Variants in ACVR1 observed in about 807,000 individuals in gnomAD.
The protein encoded by ACVR1 is activin A receptor type 1, also known as activin receptor type-1.
In ACVR1, 38 loss-of-function variants were observed where a neutral mutation model predicts 57.1. That is an observed-to-expected ratio of 0.67 (90% confidence interval 0.51 to 0.87). ACVR1 has a LOEUF of 0.87. Among genes scored for constraint, ACVR1 ranks in the 40% least tolerant of loss-of-function variants. The pLI, the probability that ACVR1 is intolerant of heterozygous loss-of-function variation, is 0.00. For synonymous variants in ACVR1, 212 were observed against 228.1 expected, an observed-to-expected ratio of 0.93 and a Z score of 0.63; for missense variants, 463 against 638.2, an observed-to-expected ratio of 0.73 and a Z score of 2.96.
intron 9 of ACVR1, among the ~76,000 whole-genome samples, chr2:157,740,277 C>G (rs1468156396): frequency 6.6e-6 from 1 of 152,110 alleles, no homozygotes; most frequent in Non-Finnish European, 1.5e-5. Context: ...TAAAACCTTT[C>G]CTGGCAAATC....
intron 8 of ACVR1, 23 bp from the exon 9 acceptor site, chr2:157,761,100 G>A (rs1202403102): frequency 6.2e-7 from 1 of 1,611,266 alleles, no homozygotes; most frequent in Admixed American, 1.7e-5. Flanking sequence ...AGATAACAAT[G>A]TAATCAACCC....
At chr2:157,849,502 C>T (rs1164566150) in intron 1 of ACVR1, among the ~76,000 whole-genome samples, 8 of 152,134 alleles carry the variant, frequency 5.3e-5, no homozygotes, top group African/African-American at 1.9e-4. Context: ...TATCCAAACA[C>T]TAGGAAATGC....
At chr2:157,824,623 G>C (rs369642278) in intron 1 of ACVR1, among the ~76,000 whole-genome samples, 1 of 152,264 alleles carries the variant, frequency 6.6e-6, no homozygotes, top group East Asian at 1.9e-4. Flanking sequence ...GAAGGCTACA[G>C]ACTAAAATAG....
At chr2:157,805,528 T>C (rs1304031094) in intron 2 of ACVR1, among the ~76,000 whole-genome samples, 1 of 152,220 alleles carries the variant, frequency 6.6e-6, no homozygotes, top group Non-Finnish European at 1.5e-5. Context: ...CATTCTGTAC[T>C]ATGCCTTCCA....
chr2:157,742,403 G>T (rs1486429088), intron 9 of ACVR1, among the ~76,000 whole-genome samples: 1 of 152,190 alleles, frequency 6.6e-6, no homozygotes, highest in Admixed American at 6.5e-5. Context: ...GGACGGAACA[G>T]ACTGAGCCAG....
chr2:157,765,254 G>T (rs1685817084), intron 8 of ACVR1, among the ~76,000 whole-genome samples: 1 of 152,208 alleles, frequency 6.6e-6, no homozygotes, highest in Non-Finnish European at 1.5e-5. Flanking sequence ...GAGTGAATCA[G>T]TTCGGGGATT....
intron 2 of ACVR1, among the ~76,000 whole-genome samples, chr2:157,812,458 C>T (rs1687783229): frequency 6.6e-6 from 1 of 151,922 alleles, no homozygotes; most frequent in Non-Finnish European, 1.5e-5. Flanking sequence ...AGTGTATATA[C>T]TACATAATAT....
At chr2:157,774,883 G>C (rs1378061702) in intron 5 of ACVR1, among the ~76,000 whole-genome samples, 1 of 139,738 alleles carries the variant, frequency 7.2e-6, no homozygotes, top group Non-Finnish European at 1.6e-5. Context: ...AGGTGGAACA[G>C]AAAAGGGTGG....
chr2:157,782,521 G>A (rs1242967410), intron 3 of ACVR1, among the ~76,000 whole-genome samples: 3 of 152,196 alleles, frequency 2.0e-5, no homozygotes, highest in African/African-American at 4.8e-5. Flanking sequence ...CTATGAGGAT[G>A]AGAAACATGT....
At chr2:157,834,944 C>G (rs923368300) in intron 1 of ACVR1, among the ~76,000 whole-genome samples, 4 of 152,126 alleles carry the variant, frequency 2.6e-5, no homozygotes, top group Non-Finnish European at 5.9e-5. Context: ...CCTAAGAAGC[C>G]CTCGCCAGAC....
chr2:157,858,224 T>C (rs1453672347), intron 1 of ACVR1, among the ~76,000 whole-genome samples: 1 of 152,152 alleles, frequency 6.6e-6, no homozygotes, highest in Non-Finnish European at 1.5e-5. Context: ...CCTTCCTCTC[T>C]ATGGCGATAG....
At chr2:157,748,752 A>ATTTCC in intron 9 of ACVR1, among the ~76,000 whole-genome samples, 1 of 152,172 alleles carries the variant, frequency 6.6e-6, no homozygotes, top group African/African-American at 2.4e-5. Flanking sequence ...GCTATTAGGA[A>ATTTCC]AAAAAACCAC....
At chr2:157,863,336 CTTTTTTTTTTTTTT>C (rs1161335923) in intron 1 of ACVR1, among the ~76,000 whole-genome samples, 26 of 35,686 alleles carry the variant, frequency 7.3e-4, no homozygotes, top group Admixed American at 1.2e-3. Flanking sequence ...AATTGTTTCT[CTTTTTTTTTTTTTT>C]TTTTTTTTTT....
chr2:157,770,603 C>T, intron 6 of ACVR1, 89 bp from the exon 7 acceptor site: 4 of 1,316,582 alleles, frequency 3.0e-6, no homozygotes, highest in South Asian at 1.2e-5. Flanking sequence ...TTAGTGCATG[C>T]AACTCTTAAT....
chr2:157,773,675 T>C (rs534660884), intron 6 of ACVR1, among the ~76,000 whole-genome samples: 29 of 152,340 alleles, frequency 1.9e-4, no homozygotes, highest in African/African-American at 6.7e-4. Flanking sequence ...ATTAATTATG[T>C]TCATTAATTA....
intron 1 of ACVR1, among the ~76,000 whole-genome samples, chr2:157,837,679 G>C (rs566470218): frequency 6.6e-6 from 1 of 152,112 alleles, no homozygotes; most frequent in Non-Finnish European, 1.5e-5. Context: ...AACAGGCTTG[G>C]AAACTACCAG....
At position 157,742,231 on chromosome 2, in the gene ACVR1, C is replaced by A. The variant is rs1684802501; in HGVS notation, c.1265-3661G>T. On this transcript the variant is annotated intron_variant, in intron 9 of 10. Coordinates refer to ENST00000434821, the MANE Select transcript of ACVR1 (RefSeq NM_001111067.4). ...AAGTGAACTCTAAGTCCTTTAGAGG[C>A]AGCACCCAAGAAGTTACTGCCAAAT... Among the ~76,000 whole-genome samples, 4 of 152,196 alleles carry A rather than the reference C, an allele frequency of 2.6e-5. No individual in the cohort carries two copies. In the South Asian group the frequency reaches 8.3e-4, roughly 31 times the overall value.
In ACVR1 at chr2:157,776,771, C is replaced by T. The variant is rs557336229; in HGVS notation, c.543+1360G>A. ...GGTCACTGGTGAGGGGAAGTCTTCT[C>T]CAGCATAAGGGGAGCTGCAGGGCAA... is the stretch of plus-strand genomic sequence containing the variant. On this transcript the variant is annotated intron_variant, in intron 5 of 10. Coordinates refer to ENST00000434821, the MANE Select transcript of ACVR1 (RefSeq NM_001111067.4). 3.3e-5 allele frequency among the ~76,000 whole-genome samples: 5 copies of T among 152,322 alleles called. No individual in the cohort carries two copies. The South Asian group carries it at 1.0e-3, about 32-fold the overall frequency.
intron 1 of ACVR1, among the ~76,000 whole-genome samples, chr2:157,831,346 C>T (rs1008286371): frequency 6.6e-6 from 1 of 152,146 alleles, no homozygotes; most frequent in Admixed American, 6.6e-5. Context: ...ATCACTTTTA[C>T]ACATGAAATT....
Sources: gnomAD v4.1 joint callset for allele counts (sites outside exome capture counted in the v4.1 genomes callset) on GRCh38, gnomAD v4.1.1 for gene constraint, MANE v1.5 for transcripts, NCBI Gene and HGNC (gene_info 2026-07-23, HGNC 2026-07-21) for gene names.